Variants in VPS13A observed in about 807,000 individuals in gnomAD.
VPS13A encodes the protein intermembrane lipid transfer protein VPS13A.
A neutral mutation model predicts 390.9 loss-of-function variants in VPS13A; 264 were observed. That is an observed-to-expected ratio of 0.68 (90% CI 0.61 to 0.75). The LOEUF (loss-of-function observed/expected upper bound fraction) is 0.75. Among genes scored for constraint, VPS13A ranks in the 30% least tolerant of loss-of-function variants. The pLI is 0.00. For missense variants in VPS13A, 3,409 were observed against 3,733.9 expected, an observed-to-expected ratio of 0.91 and a Z score of 2.27; for synonymous variants, 1,231 against 1,227.1, an observed-to-expected ratio of 1.00 and a Z score of -0.07.
intron 68 of VPS13A, among the ~76,000 whole-genome samples, chr9:77,392,124 C>G (rs1052285334): frequency 6.6e-6 from 1 of 152,162 alleles, no homozygotes; most frequent in African/African-American, 2.4e-5. Context: ...ATATGCAAGG[C>G]TGTAAAGAAC....
chr9:77,377,822 G>T (rs1368043775), intron 67 of VPS13A, among the ~76,000 whole-genome samples: 1 of 152,156 alleles, frequency 6.6e-6, no homozygotes, highest in Non-Finnish European at 1.5e-5. Context: ...AAAGCTTTCA[G>T]ATGTTCACCA....
In VPS13A at chr9:77,291,694, C is replaced by G. The variant is rs55680147; in HGVS notation, c.3340-1647C>G. 4.4e-3 allele frequency among the ~76,000 whole-genome samples: 669 copies of G among 152,246 alleles called. 3 individuals carry two copies. The highest frequency in any genetic ancestry group is 7.5e-3 in the Non-Finnish European group (511 of 68,012). The stretch of plus-strand genomic sequence containing the variant: ...GCTCTTTCCTAGATGTTAGAGGCTC[C>G]TGCTGCTTGTTTCTTAGTGCTTGTG... On this transcript the variant is annotated intron_variant, in intron 31 of 71. Coordinates refer to ENST00000360280, the MANE Select transcript of VPS13A (RefSeq NM_033305.3).
intron 45 of VPS13A, 70 bp from the exon 46 acceptor site, chr9:77,331,940 C>T (rs1235108349): frequency 2.0e-6 from 2 of 1,009,098 alleles, no homozygotes; most frequent in Non-Finnish European, 3.1e-6. Context: ...GTTACATGGA[C>T]ATATTTTTTT....
Position 77,269,084 on chromosome 9 carries a change from T to C in VPS13A, c.2428-4196T>C, listed in dbSNP as rs569008800. On this transcript the variant is annotated intron_variant, in intron 23 of 71. Transcript: ENST00000360280. ...GGGCAAAAGTTTAATTTTGATACAA[T>C]TGACTTTAGCAATATTTTCTCTAGA... 2.0e-5 allele frequency among the ~76,000 whole-genome samples: 3 copies of C among 152,356 alleles called. No individual in the cohort carries two copies. The South Asian group carries it at 6.2e-4, about 32-fold the overall frequency.
intron 68 of VPS13A, among the ~76,000 whole-genome samples, chr9:77,386,711 T>TC (rs1398472706): frequency 1.4e-5 from 2 of 146,400 alleles, no homozygotes; most frequent in Admixed American, 6.7e-5. Context: ...TTTTTTTTTT[T>TC]AATTTTTTTT....
intron 54 of VPS13A, among the ~76,000 whole-genome samples, chr9:77,354,183 G>C (rs751084853): frequency 6.6e-5 from 10 of 151,906 alleles, no homozygotes; most frequent in Non-Finnish European, 1.3e-4. Context: ...TGCTTAATGT[G>C]AGAATATTTC....
chr9:77,229,639 T>C (rs1823711807), intron 17 of VPS13A, among the ~76,000 whole-genome samples: 1 of 152,202 alleles, frequency 6.6e-6, no homozygotes, highest in African/African-American at 2.4e-5. Flanking sequence ...ATCTCTATTA[T>C]GGACGCATCA....
intron 53 of VPS13A, 26 bp downstream of exon 53, chr9:77,351,472 C>A: frequency 6.2e-7 from 1 of 1,610,158 alleles, no homozygotes; most frequent in Non-Finnish European, 8.5e-7. Flanking sequence ...TTATGGTGTT[C>A]CCAGCAGCCT....
intron 61 of VPS13A, 69 bp from the exon 62 acceptor site, chr9:77,367,986 C>T (rs1832529465): frequency 1.5e-6 from 2 of 1,319,218 alleles, no homozygotes; most frequent in Middle Eastern, 2.1e-4. Flanking sequence ...AAAATAAAGC[C>T]ACTCATTAAT....
rs1825975362 is a variant in VPS13A, at chr9:77,265,332, C to T, written c.2427+5108C>T. On this transcript the variant is annotated intron_variant, in intron 23 of 71. Transcript: ENST00000360280. ...TCATAAAATGAGTTAGGGAGAAGTCCCTCTTTTTCTATTGTTTGGGATAGT... is the reference window on the plus strand; with the variant it reads ...TCATAAAATGAGTTAGGGAGAAGTCTCTCTTTTTCTATTGTTTGGGATAGT... Among the ~76,000 whole-genome samples, 3 of 152,148 alleles carry T rather than the reference C, an allele frequency of 2.0e-5. No individual in the cohort carries two copies. The South Asian group carries it at 6.2e-4, about 32-fold the overall frequency.
intron 52 of VPS13A, among the ~76,000 whole-genome samples, chr9:77,346,798 G>C (rs200957824): frequency 6.6e-6 from 1 of 152,184 alleles, no homozygotes; most frequent in East Asian, 1.9e-4. Context: ...CCAGAAAGAA[G>C]ACTGGACAAA....
intron 31 of VPS13A, among the ~76,000 whole-genome samples, chr9:77,285,263 G>A (rs1202320314): frequency 1.3e-5 from 2 of 152,092 alleles, no homozygotes; most frequent in Non-Finnish European, 2.9e-5. Context: ...GCCTTGTACA[G>A]CGATATATAT....
chr9:77,342,301 G>A (rs1017894154), intron 50 of VPS13A, among the ~76,000 whole-genome samples: 3 of 151,872 alleles, frequency 2.0e-5, no homozygotes, highest in Non-Finnish European at 4.4e-5. Context: ...TCCAAAATTC[G>A]AAATATTCCA....
chr9:77,310,506 T>C (rs534397524), intron 35 of VPS13A, among the ~76,000 whole-genome samples: 1 of 152,306 alleles, frequency 6.6e-6, no homozygotes, highest in Non-Finnish European at 1.5e-5. Context: ...GGACTAAATT[T>C]TGCATAATTT....
At chr9:77,254,254 C>T (rs950116537) in intron 22 of VPS13A, among the ~76,000 whole-genome samples, 1 of 152,128 alleles carries the variant, frequency 6.6e-6, no homozygotes, top group Non-Finnish European at 1.5e-5. Context: ...TATTCTTTTG[C>T]ATGCAAATAT....
intron 68 of VPS13A, among the ~76,000 whole-genome samples, chr9:77,396,329 G>T (rs140352643): frequency 6.2e-4 from 94 of 152,280 alleles, no homozygotes; most frequent in African/African-American, 2.2e-3. Context: ...TAAGCTGTCA[G>T]TATAGCCTAT....
rs865830101 is a variant in VPS13A, at chr9:77,185,528, A to G, written c.100+7724A>G. On this transcript the variant is annotated intron_variant, in intron 1 of 71. Coordinates refer to ENST00000360280, the MANE Select transcript of VPS13A (RefSeq NM_033305.3). ...TGGAGAATTGTTTAGGGATTGGGGG[A>G]AAAACTTCACATATCTGGTTATCTA... Among the ~76,000 whole-genome samples the G allele has an allele frequency of 1.6e-4, 24 of 152,264 alleles. No homozygotes were observed. In the South Asian group the frequency reaches 1.7e-3, roughly 11 times the overall value.
At chr9:77,382,815 G>T in intron 68 of VPS13A, 1 of 985,326 alleles carries the variant, frequency 1.0e-6, no homozygotes, top group East Asian at 1.1e-4. Context: ...ATAATACAAA[G>T]TAGCATCTGG....
intron 45 of VPS13A, among the ~76,000 whole-genome samples, chr9:77,324,516 T>C (rs974366041): frequency 2.6e-5 from 4 of 152,236 alleles, no homozygotes; most frequent in African/African-American, 9.6e-5. Flanking sequence ...TTTTTTAATT[T>C]GTTAGTATGA....
Sources: gnomAD v4.1 joint callset for allele counts (sites outside exome capture counted in the v4.1 genomes callset) on GRCh38, gnomAD v4.1.1 for gene constraint, MANE v1.5 for transcripts, NCBI Gene and HGNC (gene_info 2026-07-23, HGNC 2026-07-21) for gene names.